Variants in MYORG observed in about 807,000 individuals in gnomAD.
The protein encoded by MYORG is alpha-galactosidase MYORG.
A neutral mutation model predicts 49.8 loss-of-function variants in MYORG; 45 were observed. The ratio of observed to expected loss-of-function variants is 0.90; its 90% CI spans 0.71 to 1.16. MYORG has a LOEUF of 1.16. Among genes scored for constraint, MYORG ranks in the 50% most tolerant of loss-of-function variants. MYORG has a pLI of 0.00. For missense variants in MYORG, 1,110 were observed against 1,026.5 expected (o/e 1.08, Z -1.11); for synonymous variants, 552 against 462.9 (o/e 1.19, Z -2.47).
Position 34,371,546 on chromosome 9 carries a change from C to T in MYORG, c.1398G>A (p.Glu466=). The change falls in exon 2 of 2, where the codon GAG becomes GAA. Residue 466 remains glutamate, a synonymous_variant. Transcript: ENST00000297625. ...TGAAGTCCCGCGGCAGGTAGCTGAC[C>T]TCGCCCGCGTCGAACTTGAAGGAAG... ...SVASFKFDAG[E]VSYLPRDFST... is the part of the protein sequence containing the mutation. 6.2e-7 allele frequency: 1 copy of T among 1,605,800 alleles called. No individual in the cohort carries two copies. The highest frequency in any genetic ancestry group is 8.5e-7 in the Non-Finnish European group (1 of 1,179,206).
At position 34,367,999 on chromosome 9, in the gene MYORG, A is replaced by T. The variant is rs1445717330; in HGVS notation, c.*2800T>A. 6.6e-6 allele frequency: 1 copy of T among 152,258 alleles called. No homozygotes were observed. The highest frequency in any genetic ancestry group is 1.5e-5 in the Non-Finnish European group (1 of 68,040). The allele number at this position is 152,258 out of a possible 1,614,324, so 9.4% of individuals were successfully genotyped here. On this transcript the variant is annotated 3_prime_UTR_variant, in exon 2 of 2. Coordinates refer to ENST00000297625, the MANE Select transcript of MYORG (RefSeq NM_020702.5). ...CATACATTCTCTGAAATCTAGGCAG[A>T]GGTTCCCAAACCTCAGTTCTTGACT... is the stretch of plus-strand genomic sequence containing the variant.
In MYORG at chr9:34,371,260, G is replaced by A. The variant is rs775267149; in HGVS notation, c.1684C>T (p.Arg562Trp). ...DMVGGNAVPQ[R>W]TAGGDVPERE... ...TCGGGCACATCGCCGCCGGCTGTCCGCTGGGGCACGGCGTTGCCGCCCACC... is the reference window on the plus strand; with the variant it reads ...TCGGGCACATCGCCGCCGGCTGTCCACTGGGGCACGGCGTTGCCGCCCACC... Residue 562 changes from arginine (R) to tryptophan (W), a missense_variant, in exon 2 of 2, where the codon CGG (arginine) becomes TGG (tryptophan). Coordinates refer to ENST00000297625, the MANE Select transcript of MYORG (RefSeq NM_020702.5). 6.2e-7 allele frequency: 1 copy of A among 1,608,228 alleles called. No individual in the cohort carries two copies.
rs1410297181 is a variant in MYORG at position 34,367,837 on chromosome 9, T to C, written c.*2962A>G. ...TCTGATGTCTGGAGGACGGTGGCCT[T>C]CTTCTGACAGCTCTACTAGGCAGTG... On this transcript the variant is annotated 3_prime_UTR_variant, in exon 2 of 2. Coordinates refer to ENST00000297625, the MANE Select transcript of MYORG (RefSeq NM_020702.5). 6.6e-6 allele frequency: 1 copy of C among 152,230 alleles called. No homozygotes were observed. Among genetic ancestry groups the C allele is most frequent in the African/African-American group, 2.4e-5 (1 of 41,454 alleles). 9.4% of individuals were successfully genotyped at this position (152,230 alleles called of 1,614,324 possible).
chr9:34,367,435 G>C lies in MYORG; in HGVS notation c.*3364C>G, dbSNP rs941362372. ...ACTCCAAAGTCTCATCTGAAACAAG[G>C]CAAGTCCCTTCCACCTATGAGCCTG... is the stretch of plus-strand genomic sequence containing the variant. On this transcript the variant is annotated 3_prime_UTR_variant, in exon 2 of 2. Coordinates refer to ENST00000297625, the MANE Select transcript of MYORG (RefSeq NM_020702.5). 1 of 152,074 alleles carries C rather than the reference G, an allele frequency of 6.6e-6. No homozygotes were observed. Among genetic ancestry groups the C allele is most frequent in the Non-Finnish European group, 1.5e-5 (1 of 68,020 alleles). 9.4% of individuals were successfully genotyped at this position (152,074 alleles called of 1,614,324 possible). A position where few individuals can be genotyped will look rare whatever the true frequency, so the allele number is the denominator to read the frequency against.
Position 34,370,576 on chromosome 9 carries a change from G to T in MYORG, c.*223C>A. On this transcript the variant is annotated 3_prime_UTR_variant, in exon 2 of 2. Coordinates refer to ENST00000297625, the MANE Select transcript of MYORG (RefSeq NM_020702.5). ...GCAGATTGGTGTGAGTGTGGGGGTG[G>T]AAAGGGCACAGTAAGGATTGTGCGT... 1.4e-6 allele frequency: 1 copy of T among 724,344 alleles called. No individual in the cohort carries two copies. Among genetic ancestry groups the T allele is most frequent in the Non-Finnish European group, 2.1e-6 (1 of 480,930 alleles). The allele number at this position is 724,344 out of a possible 1,614,324, so 44.9% of individuals were successfully genotyped here. A position where few individuals can be genotyped will look rare whatever the true frequency, so the allele number is the denominator to read the frequency against.
Position 34,368,679 on chromosome 9 carries a change from A to G in MYORG, c.*2120T>C, listed in dbSNP as rs1820536898. 1 of 152,664 alleles carries G rather than the reference A, an allele frequency of 6.6e-6. No individual in the cohort carries two copies. 9.5% of individuals were successfully genotyped at this position (152,664 alleles called of 1,614,324 possible). On this transcript the variant is annotated 3_prime_UTR_variant, in exon 2 of 2. Coordinates refer to ENST00000297625, the MANE Select transcript of MYORG (RefSeq NM_020702.5). ...TCAGCCTGGATTTCATGTCCCAATC[A>G]TTATCAGCATTTTGGTCAAAGCCAT...
In MYORG at chr9:34,370,711, T is replaced by C. The variant is rs960786510; in HGVS notation, c.*88A>G. On this transcript the variant is annotated 3_prime_UTR_variant, in exon 2 of 2. Transcript: ENST00000297625. ...AATGGGTGGTATAGAGGTGGGAGGT[T>C]CCTGGGAGTACATGGTGCGGGTGTG... The C allele has an allele frequency of 6.9e-7, 1 of 1,452,194 alleles. No individual in the cohort carries two copies. The highest frequency in any genetic ancestry group is 9.1e-7 in the Non-Finnish European group (1 of 1,097,822). The allele number at this position is 1,452,194 out of a possible 1,614,324, so 90.0% of individuals were successfully genotyped here.
chr9:34,371,351 C>G lies in MYORG; in HGVS notation c.1593G>C (p.Leu531Phe), dbSNP rs1255160416. ...RDSVWGYDLG[L>F]RSLIPAVLTV... ...TGAGCACCGCGGGGATGAGTGAGCG[C>G]AACCCCAGGTCGTAGCCCCACACAG... The change falls in exon 2 of 2, where the codon TTG (leucine) becomes TTC (phenylalanine). Residue 531 changes from leucine to phenylalanine, a missense_variant. Physicochemically the swap from Leu to Phe is conservative, Grantham distance 22. Coordinates refer to ENST00000297625, the MANE Select transcript of MYORG (RefSeq NM_020702.5). 1 of 1,613,004 alleles carries G rather than the reference C, an allele frequency of 6.2e-7. No individual in the cohort carries two copies. The highest frequency in any genetic ancestry group is 1.7e-5 in the Admixed American group (1 of 59,966).
rs1249298879 is a variant in MYORG at position 34,372,150 on chromosome 9, G to A, written c.794C>T (p.Thr265Met). Residue 265 changes from threonine to methionine, a missense_variant, in exon 2 of 2, where the codon ACG becomes ATG. Coordinates refer to ENST00000297625, the MANE Select transcript of MYORG (RefSeq NM_020702.5). ...SLRLQARYHD[T>M]PYKPPAGRAA... The stretch of plus-strand genomic sequence containing the variant: ...GCGGCCGGCGGGTGGCTTGTAGGGC[G>A]TGTCGTGGTAGCGCGCCTGAAGCCG... The A allele has an allele frequency of 3.1e-6, 5 of 1,611,342 alleles. No individual in the cohort carries two copies. The highest frequency in any genetic ancestry group is 4.2e-6 in the Non-Finnish European group (5 of 1,179,528).
In MYORG at chr9:34,374,252, C is replaced by T. The variant is rs144999613; in HGVS notation, c.-63-1246G>A. Among the ~76,000 whole-genome samples, 66 of 152,322 alleles carry T rather than the reference C, an allele frequency of 4.3e-4. No homozygotes were observed. The East Asian group carries it at 0.011, about 24-fold the overall frequency. On this transcript the variant is annotated intron_variant, in intron 1 of 1. Coordinates refer to ENST00000297625, the MANE Select transcript of MYORG (RefSeq NM_020702.5). ...CTTTCTCACCAGTGCCTTCTGATCACGGCAACCATAGTGATCTTTCTAAAG... is the reference window on the plus strand; with the variant it reads ...CTTTCTCACCAGTGCCTTCTGATCATGGCAACCATAGTGATCTTTCTAAAG...
In MYORG at chr9:34,371,072, G is replaced by A; in HGVS notation, c.1872C>T (p.Gly624=). 3.7e-6 allele frequency: 6 copies of A among 1,609,356 alleles called. No homozygotes were observed. The highest frequency in any genetic ancestry group is 5.1e-6 in the Non-Finnish European group (6 of 1,178,070). The stretch of plus-strand genomic sequence containing the variant: ...TAGGGTCACCCGTGTCGGTGACCTC[G>A]CCCGCCAGCTCAAGCAACAGCGGTG... The part of the protein sequence containing the change: ...LVAPLLLELA[G]EVTDTGDPIV... The change falls in exon 2 of 2, where the codon GGC becomes GGT. Residue 624 remains glycine, a synonymous_variant. Transcript: ENST00000297625.
rs745662864 is a variant in MYORG at position 34,372,859 on chromosome 9, C to T, written c.85G>A (p.Ala29Thr). The change falls in exon 2 of 2, where the codon GCC (alanine) becomes ACC (threonine). Residue 29 changes from alanine to threonine, a missense_variant. By Grantham distance (58) the Ala-to-Thr change is moderately conservative. Transcript: ENST00000297625. ...GTGTACATAGCTGCGGCTGCGATGG[C>T]CTCGGGGTTCTGACGGTATGCGTAG... The part of the protein sequence containing the change: ...GCYAYRQNPE[A>T]IAAAAMYTFL... The T allele has an allele frequency of 1.3e-5, 21 of 1,613,874 alleles. No individual in the cohort carries two copies. The highest frequency in any genetic ancestry group is 2.2e-5 in the East Asian group (1 of 44,896).
Position 34,366,824 on chromosome 9 carries a change from T to C in MYORG, c.*3975A>G, listed in dbSNP as rs1019870826. The stretch of plus-strand genomic sequence containing the variant: ...AGGCTTAGCAAGGTTAAGCGGCTTG[T>C]TCAAGGTCACAGAGCTGGTAGATAA... On this transcript the variant is annotated 3_prime_UTR_variant, in exon 2 of 2. Transcript: ENST00000297625. The C allele has an allele frequency of 1.6e-4, 25 of 152,146 alleles. No individual in the cohort carries two copies. Among genetic ancestry groups the C allele is most frequent in the African/African-American group, 4.8e-4 (20 of 41,430 alleles). 9.4% of individuals were successfully genotyped at this position (152,146 alleles called of 1,614,324 possible).
chr9:34,373,966 C>G (rs1389813961), intron 1 of MYORG, among the ~76,000 whole-genome samples: 1 of 152,188 alleles, frequency 6.6e-6, no homozygotes, highest in African/African-American at 2.4e-5. Context: ...GGGCCTGGGG[C>G]AGGAGCCTGG....
At chr9:34,373,142 G>A (rs1820668159) in intron 1 of MYORG, 136 bp from the exon 2 acceptor site, 1 of 650,008 alleles carries the variant, frequency 1.5e-6, no homozygotes, top group South Asian at 2.0e-5. Flanking sequence ...TGGCAAAGGT[G>A]AGACCCTTAC....
intron 1 of MYORG, among the ~76,000 whole-genome samples, chr9:34,374,737 C>CAA (rs35145584): frequency 2.0e-3 from 279 of 138,216 alleles, no homozygotes; most frequent in African/African-American, 6.2e-3. Context: ...ACCAAAAATA[C>CAA]AAAAAAAAAA....
Position 34,372,670 on chromosome 9 carries a change from G to T in MYORG, c.274C>A (p.Leu92Met). ...AAGCCGCCAGCTTTCAGGTCCAGCA[G>T]CTCCGCGCGAAGTCGCTCCGCCTTG... ...LRKAERLRAELLDLKAGGFSI... is the reference protein window; with the variant it reads ...LRKAERLRAEMLDLKAGGFSI... The change falls in exon 2 of 2, where the codon CTG becomes ATG. Residue 92 changes from leucine to methionine, a missense_variant. Coordinates refer to ENST00000297625, the MANE Select transcript of MYORG (RefSeq NM_020702.5). 1 of 1,608,228 alleles carries T rather than the reference G, an allele frequency of 6.2e-7. No homozygotes were observed. Among genetic ancestry groups the T allele is most frequent in the Non-Finnish European group, 8.5e-7 (1 of 1,177,464 alleles).
chr9:34,374,578 C>T (rs1336886756), intron 1 of MYORG, among the ~76,000 whole-genome samples: 1 of 152,060 alleles, frequency 6.6e-6, no homozygotes, highest in Non-Finnish European at 1.5e-5. Context: ...CACATAAACT[C>T]TGACACACTA....
Position 34,371,679 on chromosome 9 carries a change from AG to A in MYORG, c.1264del (p.Leu422TrpfsTer12). 6.2e-7 allele frequency: 1 copy of A among 1,609,276 alleles called. No homozygotes were observed. The highest frequency in any genetic ancestry group is 8.5e-7 in the Non-Finnish European group (1 of 1,177,856). ...VREPTGRLPALVRWWNGIGAV... is the reference protein window; with the variant it reads ...VREPTGRLPAXVRWWNGIGAV... ...GCCGATGCCGTTCCACCAGCGCACC[AG>A]CGCAGGTAACCGGCCCGTGGGTTCG... On this transcript the variant is annotated frameshift_variant, in exon 2 of 2. Coordinates refer to ENST00000297625, the MANE Select transcript of MYORG (RefSeq NM_020702.5). LOFTEE classifies it high-confidence loss of function.
Sources: allele counts gnomAD v4.1 joint callset (sites outside exome capture counted in the v4.1 genomes callset), GRCh38; gene constraint gnomAD v4.1.1; transcripts MANE v1.5; gene names NCBI Gene and HGNC (gene_info 2026-07-23, HGNC 2026-07-21).